The following CADPS variants were observed in gnomAD, a reference collection of about 807,000 sequenced individuals.
The protein encoded by CADPS is calcium dependent secretion activator.
In CADPS, 57 loss-of-function variants were observed where a neutral mutation model predicts 167.3. The observed-to-expected ratio is 0.34, with a 90% CI of 0.28 to 0.42. CADPS has a LOEUF of 0.42. Ranked by LOEUF, CADPS falls within the 20% of genes least tolerant of loss-of-function variation. The pLI is 1.00. For missense variants in CADPS, 1,414 were observed against 1,738.1 expected (o/e 0.81, Z 3.32); for synonymous variants, 676 against 635.3 (o/e 1.06, Z -0.96).
At chr3:62,826,300 G>A (rs2074027126) in intron 1 of CADPS, among the ~76,000 whole-genome samples, 1 of 152,064 alleles carries the variant, frequency 6.6e-6, no homozygotes, top group African/African-American at 2.4e-5. Flanking sequence ...AGGAGATTAT[G>A]TTTTCCTGAA....
At chr3:62,510,356 C>T (rs1274497228) in intron 17 of CADPS, among the ~76,000 whole-genome samples, 4 of 152,108 alleles carry the variant, frequency 2.6e-5, no homozygotes, top group African/African-American at 7.2e-5. Flanking sequence ...CCAGTGGAAT[C>T]GTTATGATGC....
chr3:62,499,234 C>T lies in CADPS; in HGVS notation c.2634G>A (p.Lys878=), dbSNP rs765559144. ...CAGCAAGACGTATTGTATCTTCAAG[C>T]TTTTTGGCAGGAGTGATTAACCGGC... ...NVGRLITPAK[K]LEDTIRLAEL... is the part of the protein sequence containing the mutation. Residue 878 remains lysine (K), a synonymous_variant, in exon 18 of 30, where the codon AAG becomes AAA. Coordinates refer to ENST00000383710, the MANE Select transcript of CADPS (RefSeq NM_003716.4). The T allele has an allele frequency of 3.7e-6, 6 of 1,613,594 alleles. No individual in the cohort carries two copies. Among genetic ancestry groups the T allele is most frequent in the East Asian group, 2.2e-5 (1 of 44,880 alleles).
At chr3:62,430,926 T>G (rs951862797) in intron 28 of CADPS, among the ~76,000 whole-genome samples, 11 of 152,120 alleles carry the variant, frequency 7.2e-5, no homozygotes, top group African/African-American at 2.7e-4. Context: ...CAACTGTCTC[T>G]TCTTCCTGTA....
intron 1 of CADPS, among the ~76,000 whole-genome samples, chr3:62,846,595 G>C (rs1418029014): frequency 6.6e-6 from 1 of 152,134 alleles, no homozygotes; most frequent in Non-Finnish European, 1.5e-5. Flanking sequence ...TGCAAAATAT[G>C]TTGGTTTTCT....
chr3:62,817,357 T>C (rs2094672463), intron 1 of CADPS, among the ~76,000 whole-genome samples: 1 of 152,074 alleles, frequency 6.6e-6, no homozygotes, highest in Non-Finnish European at 1.5e-5. Context: ...GAGGGAAGGG[T>C]CTCTGCATGA....
At chr3:62,479,576 G>A (rs2061717574) in intron 22 of CADPS, among the ~76,000 whole-genome samples, 1 of 152,248 alleles carries the variant, frequency 6.6e-6, no homozygotes, top group Non-Finnish European at 1.5e-5. Flanking sequence ...GGGCGGGGAG[G>A]GGGCACACGC....
At chr3:62,805,072 T>C (rs919058318) in intron 1 of CADPS, among the ~76,000 whole-genome samples, 1 of 152,152 alleles carries the variant, frequency 6.6e-6, no homozygotes, top group Non-Finnish European at 1.5e-5. Flanking sequence ...GTGGCAGTCC[T>C]AGGCATGGTG....
chr3:62,696,731 A>G (rs998635311), intron 3 of CADPS, among the ~76,000 whole-genome samples: 2 of 152,078 alleles, frequency 1.3e-5, no homozygotes, highest in Admixed American at 6.6e-5. Context: ...CTCTGTTCAC[A>G]TAACAGACTG....
chr3:62,524,457 T>C (rs2071540809), intron 13 of CADPS, among the ~76,000 whole-genome samples: 1 of 152,168 alleles, frequency 6.6e-6, no homozygotes, highest in South Asian at 2.1e-4. Flanking sequence ...AAAGTGTTTG[T>C]ATCACAAAGA....
chr3:62,599,727 A>ATATAATATATAATATAATATATATATT (rs1562707868), intron 6 of CADPS, among the ~76,000 whole-genome samples: 1 of 8,388 alleles, frequency 1.2e-4, no homozygotes. Flanking sequence ...TAATATATAT[A>ATATAATATATAATATAATATATATATT]GTATATATAA....
At position 62,657,298 on chromosome 3, in the gene CADPS, C is replaced by T. The variant is rs548592488; in HGVS notation, c.969+5016G>A. Among the ~76,000 whole-genome samples the T allele has an allele frequency of 3.3e-5, 5 of 152,224 alleles. 1 individual carries two copies. The highest frequency in any genetic ancestry group is 7.2e-5 in the African/African-American group (3 of 41,554). On this transcript the variant is annotated intron_variant, in intron 4 of 29. Transcript: ENST00000383710. ...AGTGGCATTTTCATATTTAAAACGACGGCTTGAAGAACCAATGGTGTTTTA... is the reference window on the plus strand; with the variant it reads ...AGTGGCATTTTCATATTTAAAACGATGGCTTGAAGAACCAATGGTGTTTTA...
chr3:62,862,850 G>A (rs1462684768), intron 1 of CADPS, among the ~76,000 whole-genome samples: 1 of 152,226 alleles, frequency 6.6e-6, no homozygotes, highest in Non-Finnish European at 1.5e-5. Context: ...TTGCAGTTAA[G>A]TGGCCCAGGT....
At chr3:62,456,467 G>A (rs981594728) in intron 26 of CADPS, among the ~76,000 whole-genome samples, 4 of 152,044 alleles carry the variant, frequency 2.6e-5, no homozygotes, top group East Asian at 1.9e-4. Flanking sequence ...AAGCCTCCCC[G>A]TCCTCTGTTA....
chr3:62,587,092 G>A (rs538280801), intron 7 of CADPS, among the ~76,000 whole-genome samples: 2 of 152,188 alleles, frequency 1.3e-5, no homozygotes, highest in African/African-American at 4.8e-5. Flanking sequence ...TGATATGAGT[G>A]ACAGAGTGTT....
chr3:62,494,483 T>C (rs2064293692), intron 18 of CADPS, among the ~76,000 whole-genome samples: 1 of 152,196 alleles, frequency 6.6e-6, no homozygotes, highest in Non-Finnish European at 1.5e-5. Flanking sequence ...CTTTAGTTAT[T>C]CAACTAACTT....
chr3:62,469,795 A>ACCACGTC (rs1270973260), intron 24 of CADPS: 1 of 153,530 alleles, frequency 6.5e-6, no homozygotes, highest in African/African-American at 2.4e-5. Flanking sequence ...GGTGTGAGCC[A>ACCACGTC]CCACGTCCGG....
chr3:62,700,663 G>T lies in CADPS; in HGVS notation c.889-38269C>A, dbSNP rs1024960040. On this transcript the variant is annotated intron_variant, in intron 3 of 29. Transcript: ENST00000383710. ...TTGCCATACCTCAAGAAATGCACTT[G>T]CACTTCACGTGCTTTGTCTCCCTTA... Among the ~76,000 whole-genome samples, 3 of 152,046 alleles carry T rather than the reference G, an allele frequency of 2.0e-5. No homozygotes were observed. In the South Asian group the frequency reaches 6.2e-4, roughly 32 times the overall value.
At chr3:62,693,579 C>T (rs1385617574) in intron 3 of CADPS, among the ~76,000 whole-genome samples, 1 of 151,806 alleles carries the variant, frequency 6.6e-6, no homozygotes, top group Non-Finnish European at 1.5e-5. Flanking sequence ...GTCAGGAGTT[C>T]GAGACCAACC....
intron 4 of CADPS, among the ~76,000 whole-genome samples, chr3:62,661,968 G>A (rs1243526468): frequency 1.3e-5 from 2 of 152,198 alleles, no homozygotes; most frequent in Non-Finnish European, 2.9e-5. Context: ...TGTGTGTGGG[G>A]TGGGAGGAAG....
Sources: allele counts gnomAD v4.1 joint callset (sites outside exome capture counted in the v4.1 genomes callset), GRCh38; gene constraint gnomAD v4.1.1; transcripts MANE v1.5; gene names NCBI Gene and HGNC (gene_info 2026-07-23, HGNC 2026-07-21).